FREM1: variants seen among roughly 807,000 people sequenced by gnomAD.
FREM1 encodes the protein FRAS1-related extracellular matrix protein 1.
A neutral mutation model predicts 210.1 loss-of-function variants in FREM1; 220 were observed. The observed-to-expected ratio is 1.05, with a 90% CI of 0.94 to 1.17. The LOEUF (loss-of-function observed/expected upper bound fraction) is 1.17, where lower values mean the gene tolerates loss of function less well. Ranked by LOEUF, FREM1 falls within the 50% of genes most tolerant of loss-of-function variation. The pLI, the probability that FREM1 is intolerant of heterozygous loss-of-function variation, is 0.00. For synonymous variants in FREM1, 1,189 were observed against 980.2 expected (o/e 1.21, Z -3.98); for missense variants, 3,454 against 2,675.5 (o/e 1.29, Z -6.42).
chr9:14,818,720 A>T lies in FREM1; in HGVS notation c.2546+514T>A, dbSNP rs1244029703. 3.9e-5 allele frequency among the ~76,000 whole-genome samples: 6 copies of T among 152,320 alleles called. No individual in the cohort carries two copies. In the South Asian group the frequency reaches 1.0e-3, roughly 26 times the overall value. Reference sequence around the variant, plus strand: ...TTGTGCCATCCCTGTTGGAGACTCAAGTATTAGTTTACGCCCTGCCTACTC... The same window carrying T: ...TTGTGCCATCCCTGTTGGAGACTCATGTATTAGTTTACGCCCTGCCTACTC... On this transcript the variant is annotated intron_variant, in intron 14 of 36. Transcript: ENST00000380880.
chr9:14,801,941 G>C (rs1367788574), intron 19 of FREM1, 67 bp from the exon 20 acceptor site: 1 of 1,190,308 alleles, frequency 8.4e-7, no homozygotes, highest in Non-Finnish European at 1.2e-6. Flanking sequence ...TTGGAAAACT[G>C]CTTAAAGAAA....
Position 14,909,999 on chromosome 9 carries a change from G to C in FREM1, c.-353C>G, listed in dbSNP as rs1818457433. On this transcript the variant is annotated 5_prime_UTR_variant, in exon 1 of 37. Transcript: ENST00000380880. ...TAAGAGTCACTGACACAGCAATCTG[G>C]TTTAAAGGGCTTTGAGAGGAAGGGG... 2 of 152,232 alleles carry C rather than the reference G, an allele frequency of 1.3e-5. No individual in the cohort carries two copies. Among genetic ancestry groups the C allele is most frequent in the South Asian group, 2.1e-4 (1 of 4,828 alleles). 9.4% of individuals were successfully genotyped at this position (152,232 alleles called of 1,614,324 possible).
At position 14,811,297 on chromosome 9, in the gene FREM1, T is replaced by G. The variant is rs16932312; in HGVS notation, c.2893+1515A>C. On this transcript the variant is annotated intron_variant, in intron 16 of 36. Transcript: ENST00000380880. ...CTATGGCTGCTACACTACAGGAGAT[T>G]TAGAAATTTGTATACCTGTTGTTTA... 3.1e-4 allele frequency among the ~76,000 whole-genome samples: 47 copies of G among 152,314 alleles called. 1 individual carries two copies. In the East Asian group the frequency reaches 8.9e-3, roughly 29 times the overall value.
chr9:14,835,057 G>C (rs1855139), intron 10 of FREM1, among the ~76,000 whole-genome samples: 1 of 152,096 alleles, frequency 6.6e-6, no homozygotes, highest in African/African-American at 2.4e-5. Flanking sequence ...ACACTGAAAT[G>C]GAGGGAGAAT....
rs771531342 is a variant in FREM1, at chr9:14,746,957, C to T, written c.6104G>A (p.Gly2035Glu). The change falls in exon 34 of 37, where the codon GGG (glycine) becomes GAG (glutamate). Residue 2035 changes from glycine (G) to glutamate (E), a missense_variant. By Grantham distance (98) the Gly-to-Glu change is moderately conservative. Transcript: ENST00000380880. ...GGGACTCCAGGCTTTCCAGGCGATCCCATTGCACTGATACAGCTTCTGGAT... is the reference window on the plus strand; with the variant it reads ...GGGACTCCAGGCTTTCCAGGCGATCTCATTGCACTGATACAGCTTCTGGAT... ...EGIQKLYQCN[G>E]IAWKAWSPQT... 3.9e-5 allele frequency: 63 copies of T among 1,613,232 alleles called. No individual in the cohort carries two copies. Among genetic ancestry groups the T allele is most frequent in the Non-Finnish European group, 5.3e-5 (63 of 1,179,710 alleles).
At chr9:14,763,508 C>G (rs1845869206) in intron 27 of FREM1, among the ~76,000 whole-genome samples, 1 of 152,068 alleles carries the variant, frequency 6.6e-6, no homozygotes, top group African/African-American at 2.4e-5. Context: ...AAAAAGAAAG[C>G]AAAAGCTGGT....
chr9:14,841,707 G>T (rs1258185816), intron 9 of FREM1, 118 bp from the exon 10 acceptor site: 1 of 618,484 alleles, frequency 1.6e-6, no homozygotes, highest in Non-Finnish European at 2.5e-6. Context: ...TGTACCCAAG[G>T]AATCTGCATT....
chr9:14,859,567 A>G, intron 3 of FREM1, 83 bp from the exon 4 acceptor site: 1 of 1,188,464 alleles, frequency 8.4e-7, no homozygotes. Flanking sequence ...AAGACTAAAG[A>G]TTGGCCTTCA....
At chr9:14,786,461 C>T (rs893543915) in intron 23 of FREM1, among the ~76,000 whole-genome samples, 3 of 152,144 alleles carry the variant, frequency 2.0e-5, no homozygotes, top group Non-Finnish European at 2.9e-5. Flanking sequence ...ATAAGAAATA[C>T]AAATAAACCA....
chr9:14,771,743 T>C (rs2132523475), intron 25 of FREM1, among the ~76,000 whole-genome samples: 1 of 152,312 alleles, frequency 6.6e-6, no homozygotes, highest in East Asian at 1.9e-4. Flanking sequence ...TAAAGAATTC[T>C]TGTCAATGAT....
chr9:14,852,464 G>A (rs1827953338), intron 5 of FREM1, among the ~76,000 whole-genome samples: 1 of 152,140 alleles, frequency 6.6e-6, no homozygotes, highest in African/African-American at 2.4e-5. Context: ...GAGGTGGGAG[G>A]ATTGCTTGAT....
rs575086488 is a variant in FREM1 at position 14,836,903 on chromosome 9, A to G, written c.1881+4544T>C. ...AATGTGGTAGGAGTTATTAAGAAAA[A>G]GAAATTATTTTATGCAGATAGAGAG... On this transcript the variant is annotated intron_variant, in intron 10 of 36. Coordinates refer to ENST00000380880, the MANE Select transcript of FREM1 (RefSeq NM_001379081.2). This position sits in a 1 kb window ranked among gnomAD's most constrained non-coding sequence, Gnocchi z 4.9. Among the ~76,000 whole-genome samples the G allele has an allele frequency of 6.6e-6, 1 of 152,320 alleles. No individual in the cohort carries two copies. The highest frequency in any genetic ancestry group is 1.5e-5 in the Non-Finnish European group (1 of 68,040).
chr9:14,867,749 A>G lies in FREM1; in HGVS notation c.234+995T>C, dbSNP rs146567375. On this transcript the variant is annotated intron_variant, in intron 2 of 36. Coordinates refer to ENST00000380880, the MANE Select transcript of FREM1 (RefSeq NM_001379081.2). ...ATAGTTCAGCAAAAGAGAATGGTCC[A>G]TTTTTCCAGAAGCAGCAGCAGCATC... is the stretch of plus-strand genomic sequence containing the variant. Among the ~76,000 whole-genome samples the G allele has an allele frequency of 8.4e-3, 1,286 of 152,310 alleles. 18 individuals are homozygous for G. Among genetic ancestry groups the G allele is most frequent in the African/African-American group, 0.028 (1,169 of 41,560 alleles).
chr9:14,809,879 GATGTATGTATGT>G (rs111568448), intron 16 of FREM1, among the ~76,000 whole-genome samples: 12 of 150,358 alleles, frequency 8.0e-5, no homozygotes, highest in Non-Finnish European at 1.2e-4. Context: ...GAATAGCACA[GATGTATGTATGT>G]ATGTATGTAT....
At chr9:14,786,206 G>C (rs1188595045) in intron 23 of FREM1, among the ~76,000 whole-genome samples, 1 of 152,130 alleles carries the variant, frequency 6.6e-6, no homozygotes, top group East Asian at 1.9e-4. Context: ...CCTGCTTGTG[G>C]TTACAAAATT....
intron 19 of FREM1, 44 bp downstream of exon 19, chr9:14,804,912 C>G (rs776161497): frequency 2.7e-6 from 4 of 1,469,014 alleles, no homozygotes; most frequent in African/African-American, 1.4e-5. Flanking sequence ...AAATAAAAAT[C>G]AAAATGATAA....
chr9:14,833,473 C>G (rs886092638), intron 10 of FREM1, among the ~76,000 whole-genome samples: 2 of 152,190 alleles, frequency 1.3e-5, no homozygotes, highest in Non-Finnish European at 2.9e-5. Context: ...GGTCGGATCT[C>G]TTTCACTGTC....
chr9:14,835,530 T>C (rs952664913), intron 10 of FREM1, among the ~76,000 whole-genome samples: 1 of 152,226 alleles, frequency 6.6e-6, no homozygotes, highest in Non-Finnish European at 1.5e-5. Flanking sequence ...CCACCTTGTC[T>C]ATACAGTTCC....
At chr9:14,791,820 GTTTGT>G (rs71323912) in intron 22 of FREM1, among the ~76,000 whole-genome samples, 21 of 150,354 alleles carry the variant, frequency 1.4e-4, no homozygotes, top group South Asian at 8.5e-4. Flanking sequence ...TCAGATAATG[GTTTGT>G]TTTGTTTTGT....
Sources: allele counts gnomAD v4.1 joint callset (sites outside exome capture counted in the v4.1 genomes callset), GRCh38; gene constraint gnomAD v4.1.1; non-coding constraint Gnocchi (gnomAD v3.1); transcripts MANE v1.5; gene names NCBI Gene and HGNC (gene_info 2026-07-23, HGNC 2026-07-21).